SLC22A23: variants seen among roughly 807,000 people sequenced by gnomAD.
SLC22A23 encodes solute carrier family 22 member 23.
Under a neutral mutation model 61.0 loss-of-function variants are expected in SLC22A23, and 26 were observed. The ratio of observed to expected loss-of-function variants is 0.43; its 90% CI spans 0.31 to 0.59. The LOEUF is 0.59. SLC22A23 is among the 20% of genes least tolerant of loss of function. The probability of loss-of-function intolerance (pLI) is 0.11; values close to 1 mark genes in which losing one functional copy is unlikely to be tolerated. For synonymous variants in SLC22A23, 430 were observed against 413.9 expected (o/e 1.04, Z -0.47); for missense variants, 796 against 934.7 (o/e 0.85, Z 1.94).
chr6:3,388,611 T>C (rs567596753), intron 3 of SLC22A23, among the ~76,000 whole-genome samples: 5 of 152,350 alleles, frequency 3.3e-5, no homozygotes, highest in South Asian at 4.1e-4. Flanking sequence ...ACCAAGTTCA[T>C]AGCAGCGTTA....
chr6:3,359,170 T>C (rs1217949330), intron 3 of SLC22A23, among the ~76,000 whole-genome samples: 2 of 152,052 alleles, frequency 1.3e-5, no homozygotes, highest in African/African-American at 4.8e-5. Context: ...AAGAAAAAGA[T>C]GGGCACCGAG....
intron 3 of SLC22A23, among the ~76,000 whole-genome samples, chr6:3,350,888 T>C (rs915706833): frequency 2.0e-5 from 3 of 152,114 alleles, no homozygotes; most frequent in Non-Finnish European, 4.4e-5. Flanking sequence ...CATTCTGAGG[T>C]CAATCATCTT....
chr6:3,274,487 C>T (rs1336152119), intron 9 of SLC22A23, among the ~76,000 whole-genome samples: 10 of 152,138 alleles, frequency 6.6e-5, no homozygotes, highest in Non-Finnish European at 1.3e-4. Flanking sequence ...TTAGGCACCC[C>T]CTTGAAGTGA....
rs192754603 is a variant in SLC22A23 at position 3,342,452 on chromosome 6, C to A, written c.914-18450G>T. On this transcript the variant is annotated intron_variant, in intron 3 of 9. Transcript: ENST00000406686. The surrounding 1 kb of genome is among the most constrained non-coding windows in gnomAD (Gnocchi z 4.0). Reference sequence around the variant, plus strand: ...GGTTCACGGCTCACCTCCTTTGAAACACACACACCTCTTTCTCTCTCCCAG... The same window carrying A: ...GGTTCACGGCTCACCTCCTTTGAAAAACACACACCTCTTTCTCTCTCCCAG... Among the ~76,000 whole-genome samples, 422 of 152,290 alleles carry A rather than the reference C, an allele frequency of 2.8e-3. 2 individuals carry two copies. The highest frequency in any genetic ancestry group is 9.2e-3 in the African/African-American group (383 of 41,534).
chr6:3,318,051 C>A lies in SLC22A23; in HGVS notation c.1082+5783G>T, dbSNP rs1762741835. The stretch of plus-strand genomic sequence containing the variant: ...CCAGAGACTCCTGTGCTCACTGCAC[C>A]CCCTGCCAAGTCCCTGTCCAGTCTC... On this transcript the variant is annotated intron_variant, in intron 4 of 9. Transcript: ENST00000406686. This position sits in a 1 kb window ranked among gnomAD's most constrained non-coding sequence, Gnocchi z 4.3. Among the ~76,000 whole-genome samples the A allele has an allele frequency of 6.6e-6, 1 of 152,178 alleles. No individual in the cohort carries two copies. The highest frequency in any genetic ancestry group is 1.5e-5 in the Non-Finnish European group (1 of 68,032).
rs1193762144 is a variant in SLC22A23 at position 3,433,474 on chromosome 6, AAAAAG to A, written c.655-17624_655-17620del. 3.0e-5 allele frequency among the ~76,000 whole-genome samples: 4 copies of A among 134,896 alleles called. No homozygotes were observed. In the East Asian group the frequency reaches 1.0e-3, roughly 35 times the overall value. The allele number at this position is 134,896 out of a possible 152,430, so 88.5% of individuals were successfully genotyped here. ...TTCCTACCCCAAAAATTTTGAAAAG[AAAAAG>A]AGGAAACTTGCCTAGCTTATAAATA... is the stretch of plus-strand genomic sequence containing the variant. On this transcript the variant is annotated intron_variant, in intron 1 of 9. Transcript: ENST00000406686.
Position 3,456,346 on chromosome 6 carries a change from C to T in SLC22A23, c.214G>A (p.Ala72Thr), listed in dbSNP as rs757610066. The T allele has an allele frequency of 6.5e-7, 1 of 1,548,476 alleles. No homozygotes were observed. The highest frequency in any genetic ancestry group is 1.2e-5 in the South Asian group (1 of 84,024). Residue 72 changes from alanine (A) to threonine (T), a missense_variant, in exon 1 of 10, where the codon GCC becomes ACC. By Grantham distance (58) the Ala-to-Thr change is moderately conservative. Coordinates refer to ENST00000406686, the MANE Select transcript of SLC22A23 (RefSeq NM_015482.2). This position sits in a 1 kb window ranked among gnomAD's most constrained non-coding sequence, Gnocchi z 7.1. The stretch of plus-strand genomic sequence containing the variant: ...TAGTCCAGCAACAAGAGGCTCGGGG[C>T]CGCAGCCGCGGAGCAGCAGCTCGGG... Reference protein sequence around the residue: ...PHPSCCSAAAAPSLLLLDYDG... With the variant: ...PHPSCCSAAATPSLLLLDYDG...
chr6:3,276,129 T>TC (rs1444353856), intron 9 of SLC22A23, among the ~76,000 whole-genome samples: 59 of 151,988 alleles, frequency 3.9e-4, no homozygotes, highest in African/African-American at 1.4e-3. Flanking sequence ...GTGTGTGTGT[T>TC]GGGGGCTTTT....
chr6:3,285,204 G>A (rs1338300846), intron 7 of SLC22A23, 93 bp from the exon 8 acceptor site: 2 of 1,543,760 alleles, frequency 1.3e-6, no homozygotes, highest in East Asian at 2.4e-5. Context: ...TTAGCCTAGC[G>A]TGTTCCCATG....
At chr6:3,412,976 T>C (rs888049167) in intron 2 of SLC22A23, among the ~76,000 whole-genome samples, 1 of 152,196 alleles carries the variant, frequency 6.6e-6, no homozygotes, top group African/African-American at 2.4e-5. Context: ...GTGAGACCTT[T>C]GTTGGACTTG....
At chr6:3,349,982 A>G (rs966204864) in intron 3 of SLC22A23, among the ~76,000 whole-genome samples, 3 of 152,216 alleles carry the variant, frequency 2.0e-5, no homozygotes, top group African/African-American at 7.2e-5. Flanking sequence ...GTACATTCAC[A>G]GTCCCTTGGT....
intron 1 of SLC22A23, among the ~76,000 whole-genome samples, chr6:3,446,313 A>G (rs1470843774): frequency 6.6e-6 from 1 of 152,218 alleles, no homozygotes; most frequent in East Asian, 1.9e-4. Context: ...ATGGCCCTCC[A>G]GCTCAGCCTT....
intron 3 of SLC22A23, among the ~76,000 whole-genome samples, chr6:3,364,074 T>C (rs1765649751): frequency 6.6e-6 from 1 of 152,362 alleles, no homozygotes; most frequent in Non-Finnish European, 1.5e-5. Flanking sequence ...ATAGAGCTTT[T>C]GCCTTCCCTC....
At chr6:3,339,081 A>C (rs922732918) in intron 3 of SLC22A23, among the ~76,000 whole-genome samples, 2 of 152,198 alleles carry the variant, frequency 1.3e-5, no homozygotes, top group South Asian at 4.1e-4. Flanking sequence ...GAGGGGAGGG[A>C]GGAGCCAGTC....
chr6:3,455,825 C>G (rs1335408899), intron 1 of SLC22A23, 81 bp downstream of exon 1: 6 of 1,434,670 alleles, frequency 4.2e-6, no homozygotes, highest in Non-Finnish European at 3.7e-6. Flanking sequence ...ACTTTGGGGA[C>G]TTCGGTTCTC....
chr6:3,449,399 A>G (rs1184233201), intron 1 of SLC22A23, among the ~76,000 whole-genome samples: 2 of 152,220 alleles, frequency 1.3e-5, no homozygotes, highest in African/African-American at 4.8e-5. Context: ...CTCGAGGAAA[A>G]TGGTTACAAG....
intron 9 of SLC22A23, among the ~76,000 whole-genome samples, chr6:3,279,844 C>T (rs1004762594): frequency 6.6e-5 from 10 of 152,054 alleles, no homozygotes; most frequent in African/African-American, 2.2e-4. Flanking sequence ...ATTGTAATAC[C>T]CACGGGATAT....
At position 3,272,331 on chromosome 6, in the gene SLC22A23, G is replaced by A. The variant is rs9501971; in HGVS notation, c.*724C>T. 13,689 of 152,688 alleles carry A rather than the reference G, an allele frequency of 0.09. 704 individuals are homozygous for A. The highest frequency in any genetic ancestry group is 0.17 in the Middle Eastern group (51 of 294). 9.5% of individuals were successfully genotyped at this position (152,688 alleles called of 1,614,324 possible). A position where few individuals can be genotyped will look rare whatever the true frequency, so the allele number is the denominator to read the frequency against. On this transcript the variant is annotated 3_prime_UTR_variant, in exon 10 of 10. Transcript: ENST00000406686. ...AGCTGTGTACTCACAAAGCTGTGGC[G>A]ATATGACTGCTGCTCAATTAAGATT...
At chr6:3,368,179 G>A (rs1765958866) in intron 3 of SLC22A23, among the ~76,000 whole-genome samples, 1 of 152,210 alleles carries the variant, frequency 6.6e-6, no homozygotes, top group African/African-American at 2.4e-5. Flanking sequence ...AGGGCTTGAT[G>A]GCATCTGCAT....
Sources: allele counts gnomAD v4.1 joint callset (sites outside exome capture counted in the v4.1 genomes callset), GRCh38; gene constraint gnomAD v4.1.1; non-coding constraint Gnocchi (gnomAD v3.1); transcripts MANE v1.5; gene names NCBI Gene and HGNC (gene_info 2026-07-23, HGNC 2026-07-21).